Variants in STARD4 observed in about 807,000 individuals in gnomAD.
The protein encoded by STARD4 is stAR-related lipid transfer protein 4.
Under a neutral mutation model 24.9 loss-of-function variants are expected in STARD4, and 33 were observed. That is an observed-to-expected ratio of 1.32 (90% CI 1.00 to 1.77). The LOEUF (loss-of-function observed/expected upper bound fraction) is 1.77, where lower values mean the gene tolerates loss of function less well. STARD4 is among the 40% of genes most tolerant of loss of function. The pLI, the probability that STARD4 is intolerant of heterozygous loss-of-function variation, is 0.00. For synonymous variants in STARD4, 88 were observed against 77.4 expected (o/e 1.14, Z -0.72); for missense variants, 238 against 249.3 (o/e 0.95, Z 0.31).
In STARD4 at chr5:111,497,299, A is replaced by G. The variant is rs559094721; in HGVS notation, c.*2587T>C. On this transcript the variant is annotated 3_prime_UTR_variant, in exon 6 of 6. Coordinates refer to ENST00000296632, the MANE Select transcript of STARD4 (RefSeq NM_139164.3). ...TTTATATCTAAAGTTTAGATGTCCT[A>G]TTTATCAAGCAATGAAGGCTCTAGA... 5.3e-5 allele frequency: 8 copies of G among 152,134 alleles called. No homozygotes were observed. Among genetic ancestry groups the G allele is most frequent in the Admixed American group, 3.3e-4 (5 of 15,262 alleles). 9.4% of individuals were successfully genotyped at this position (152,134 alleles called of 1,614,324 possible).
At chr5:111,502,396 G>A (rs1370168956) in intron 3 of STARD4, among the ~76,000 whole-genome samples, 1 of 152,012 alleles carries the variant, frequency 6.6e-6, no homozygotes, top group Non-Finnish European at 1.5e-5. Flanking sequence ...TTGAACCCCG[G>A]AGGTGGAGGT....
At position 111,499,639 on chromosome 5, in the gene STARD4, T is replaced by C. The variant is rs1756279162; in HGVS notation, c.*247A>G. 2.0e-6 allele frequency: 1 copy of C among 490,394 alleles called. No individual in the cohort carries two copies. Among genetic ancestry groups the C allele is most frequent in the Non-Finnish European group, 3.7e-6 (1 of 272,696 alleles). The allele number at this position is 490,394 out of a possible 1,614,324, so 30.4% of individuals were successfully genotyped here. A position where few individuals can be genotyped will look rare whatever the true frequency, so the allele number is the denominator to read the frequency against. ...TCAAAGCTGCAGTGAGCTGTGATCA[T>C]ACCACTGCCCTCCAGCATGGGCAAC... On this transcript the variant is annotated 3_prime_UTR_variant, in exon 6 of 6. Coordinates refer to ENST00000296632, the MANE Select transcript of STARD4 (RefSeq NM_139164.3).
chr5:111,509,693 G>C (rs190287086), intron 1 of STARD4, among the ~76,000 whole-genome samples: 46 of 152,106 alleles, frequency 3.0e-4, no homozygotes, highest in African/African-American at 1.0e-3. Context: ...TTCTCCTTAC[G>C]TCTAGCACTC....
intron 1 of STARD4, among the ~76,000 whole-genome samples, chr5:111,510,488 A>T (rs1757179768): frequency 6.6e-6 from 1 of 152,194 alleles, no homozygotes; most frequent in Non-Finnish European, 1.5e-5. Flanking sequence ...TTATATCAGG[A>T]AATTATCCAA....
chr5:111,499,764 G>A lies in STARD4; in HGVS notation c.*122C>T. 3 of 876,000 alleles carry A rather than the reference G, an allele frequency of 3.4e-6. No individual in the cohort carries two copies. The highest frequency in any genetic ancestry group is 2.6e-5 in the Admixed American group (1 of 38,624). The allele number at this position is 876,000 out of a possible 1,614,324, so 54.3% of individuals were successfully genotyped here. Reference sequence around the variant, plus strand: ...GAATAAAACCAAACATTGTACTAGTGAACCAAAAACATTTCAAATTTTTCT... The same window carrying A: ...GAATAAAACCAAACATTGTACTAGTAAACCAAAAACATTTCAAATTTTTCT... On this transcript the variant is annotated 3_prime_UTR_variant, in exon 6 of 6. Coordinates refer to ENST00000296632, the MANE Select transcript of STARD4 (RefSeq NM_139164.3).
At chr5:111,505,003 A>G in intron 3 of STARD4, 1 of 455,682 alleles carries the variant, frequency 2.2e-6, no homozygotes, top group Non-Finnish European at 4.4e-6. Flanking sequence ...AACTCAACAC[A>G]TCAGGTCCTA....
At position 111,497,628 on chromosome 5, in the gene STARD4, G is replaced by C. The variant is rs897985903; in HGVS notation, c.*2258C>G. 6.6e-6 allele frequency: 1 copy of C among 151,928 alleles called. No homozygotes were observed. Among genetic ancestry groups the C allele is most frequent in the Non-Finnish European group, 1.5e-5 (1 of 67,888 alleles). 9.4% of individuals were successfully genotyped at this position (151,928 alleles called of 1,614,324 possible). ...TAAAATATTAAAATTAACTTCAGCT[G>C]TTTATTTTTATTTTTTAATGTGGCT... On this transcript the variant is annotated 3_prime_UTR_variant, in exon 6 of 6. Coordinates refer to ENST00000296632, the MANE Select transcript of STARD4 (RefSeq NM_139164.3).
At chr5:111,506,971 C>G (rs1418164310) in intron 2 of STARD4, among the ~76,000 whole-genome samples, 2 of 152,196 alleles carry the variant, frequency 1.3e-5, no homozygotes, top group Non-Finnish European at 2.9e-5. Flanking sequence ...TAGCTACCTT[C>G]ATAGGCTTTT....
intron 3 of STARD4, among the ~76,000 whole-genome samples, chr5:111,502,327 G>C (rs991128080): frequency 1.8e-4 from 27 of 152,012 alleles, no homozygotes; most frequent in African/African-American, 6.5e-4. Flanking sequence ...AAATTAGCCA[G>C]GCATGGTGGC....
rs915725458 is a variant in STARD4, at chr5:111,507,970, A to G, written c.-9-528T>C. On this transcript the variant is annotated intron_variant, in intron 1 of 5. Transcript: ENST00000296632. This position sits in a 1 kb window ranked among gnomAD's most constrained non-coding sequence, Gnocchi z 4.4. The stretch of plus-strand genomic sequence containing the variant: ...GTCAAAAGGCTTGGAATTGCCCTTA[A>G]TAAGAATAGGTTCCTTTTAACACCA... Among the ~76,000 whole-genome samples, 1 of 152,136 alleles carries G rather than the reference A, an allele frequency of 6.6e-6. No homozygotes were observed. Among genetic ancestry groups the G allele is most frequent in the Non-Finnish European group, 1.5e-5 (1 of 68,008 alleles).
At chr5:111,509,248 C>T (rs968187116) in intron 1 of STARD4, among the ~76,000 whole-genome samples, 8 of 152,074 alleles carry the variant, frequency 5.3e-5, no homozygotes, top group Non-Finnish European at 1.2e-4. Flanking sequence ...CAAAGGTCAC[C>T]TGCTAGGTTC....
At chr5:111,510,391 A>G (rs549610201) in intron 1 of STARD4, among the ~76,000 whole-genome samples, 1 of 152,302 alleles carries the variant, frequency 6.6e-6, no homozygotes, top group Admixed American at 6.5e-5. Context: ...AACTGTGGAG[A>G]ATGTCAGGTA....
chr5:111,503,684 A>T (rs1756637967), intron 3 of STARD4, among the ~76,000 whole-genome samples: 1 of 152,208 alleles, frequency 6.6e-6, no homozygotes, highest in African/African-American at 2.4e-5. Context: ...TGAGAAAAAT[A>T]TACAAGATAC....
At chr5:111,500,812 C>CT in intron 5 of STARD4, 190 bp downstream of exon 5, 3 of 1,486,414 alleles carry the variant, frequency 2.0e-6, no homozygotes, top group Non-Finnish European at 2.7e-6. Flanking sequence ...GGAACAAAAA[C>CT]TTATCAGAAG....
Position 111,500,090 on chromosome 5 carries a change from C to T in STARD4, c.414G>A (p.Trp138Ter), listed in dbSNP as rs777164596. ...GAACAAATTCTGGTCTCTTTTCATC[C>T]CAGTCAAGACTTATTCCTATAAGGC... ...GLLSCGISLD[W>*]DEKRPEFVRG... The change falls in exon 6 of 6, where the codon TGG (tryptophan) becomes TGA (stop). Residue 138 changes from tryptophan (W) to a stop codon, truncating the protein, a stop_gained. Coordinates refer to ENST00000296632, the MANE Select transcript of STARD4 (RefSeq NM_139164.3). LOFTEE classifies it high-confidence loss of function. The T allele has an allele frequency of 1.2e-6, 2 of 1,608,860 alleles. No individual in the cohort carries two copies. The highest frequency in any genetic ancestry group is 2.2e-5 in the South Asian group (2 of 90,732).
At chr5:111,504,502 T>A (rs928676698) in intron 3 of STARD4, among the ~76,000 whole-genome samples, 3 of 152,172 alleles carry the variant, frequency 2.0e-5, no homozygotes, top group African/African-American at 7.2e-5. Context: ...ATGGTCAAAG[T>A]ATGAAACAGG....
chr5:111,509,908 C>T (rs1181453654), intron 1 of STARD4, among the ~76,000 whole-genome samples: 2 of 152,076 alleles, frequency 1.3e-5, no homozygotes, highest in African/African-American at 4.8e-5. Context: ...CTATTATATA[C>T]CAGGTCCTAG....
At chr5:111,509,759 C>G (rs1280429217) in intron 1 of STARD4, among the ~76,000 whole-genome samples, 1 of 152,116 alleles carries the variant, frequency 6.6e-6, no homozygotes, top group African/African-American at 2.4e-5. Flanking sequence ...AGCTACCATT[C>G]TCACTTATGG....
rs954048259 is a variant in STARD4 at position 111,508,368 on chromosome 5, T to C, written c.-9-926A>G. Among the ~76,000 whole-genome samples, 5 of 152,128 alleles carry C rather than the reference T, an allele frequency of 3.3e-5. No homozygotes were observed. In the East Asian group the frequency reaches 9.6e-4, roughly 29 times the overall value. On this transcript the variant is annotated intron_variant, in intron 1 of 5. Coordinates refer to ENST00000296632, the MANE Select transcript of STARD4 (RefSeq NM_139164.3). ...ATAGTAGGCCCTTATTTTGTTGATATGTTATTGTCTCAAAACAAGAATTAC... is the reference window on the plus strand; with the variant it reads ...ATAGTAGGCCCTTATTTTGTTGATACGTTATTGTCTCAAAACAAGAATTAC...
Sources: gnomAD v4.1 joint callset for allele counts (sites outside exome capture counted in the v4.1 genomes callset) on GRCh38, gnomAD v4.1.1 for gene constraint, Gnocchi (gnomAD v3.1) non-coding constraint, MANE v1.5 for transcripts, NCBI Gene and HGNC (gene_info 2026-07-23, HGNC 2026-07-21) for gene names.